Variants in MGAT4C observed in about 807,000 individuals in gnomAD.
MGAT4C encodes alpha-1,3-mannosyl-glycoprotein 4-beta-N-acetylglucosaminyltransferase C.
A neutral mutation model predicts 40.1 loss-of-function variants in MGAT4C; 19 were observed. That is an observed-to-expected ratio of 0.47 (90% CI 0.33 to 0.70). The LOEUF (loss-of-function observed/expected upper bound fraction) is 0.70. Among genes scored for constraint, MGAT4C ranks in the 30% least tolerant of loss-of-function variants. The pLI is 0.02. For missense variants in MGAT4C, 491 were observed against 563.2 expected (o/e 0.87, Z 1.30); for synonymous variants, 181 against 187.1 (o/e 0.97, Z 0.27).
At chr12:86,582,614 A>G (rs942820851) in intron 2 of MGAT4C, among the ~76,000 whole-genome samples, 42 of 151,398 alleles carry the variant, frequency 2.8e-4, no homozygotes, top group Admixed American at 5.3e-4. Context: ...GGTATGATAA[A>G]CACATAGAAA....
At chr12:86,356,429 T>C (rs1447213695) in intron 3 of MGAT4C, among the ~76,000 whole-genome samples, 1 of 152,114 alleles carries the variant, frequency 6.6e-6, no homozygotes, top group Non-Finnish European at 1.5e-5. Flanking sequence ...ATGGGTGATT[T>C]TTGCATTTCC....
intron 2 of MGAT4C, among the ~76,000 whole-genome samples, chr12:86,586,795 G>C (rs1005969959): frequency 6.6e-6 from 1 of 151,870 alleles, no homozygotes; most frequent in Non-Finnish European, 1.5e-5. Flanking sequence ...TTTTGATGGG[G>C]TTGTTTGTTT....
At chr12:86,339,416 G>A (rs1954861564) in intron 3 of MGAT4C, among the ~76,000 whole-genome samples, 2 of 152,196 alleles carry the variant, frequency 1.3e-5, no homozygotes, top group South Asian at 2.1e-4. Flanking sequence ...CTTCAATTAG[G>A]AAATGATATT....
intron 1 of MGAT4C, among the ~76,000 whole-genome samples, chr12:86,066,527 G>T (rs1178429251): frequency 6.6e-6 from 1 of 151,890 alleles, no homozygotes; most frequent in Non-Finnish European, 1.5e-5. Context: ...ACTGAAACTG[G>T]ATCCCTTCCT....
intron 2 of MGAT4C, among the ~76,000 whole-genome samples, chr12:86,665,342 A>T (rs1252514170): frequency 6.6e-6 from 1 of 152,118 alleles, no homozygotes; most frequent in African/African-American, 2.4e-5. Flanking sequence ...GAAACCCATT[A>T]TAGACACATG....
chr12:86,662,178 C>T (rs577106103), intron 2 of MGAT4C, among the ~76,000 whole-genome samples: 110 of 152,212 alleles, frequency 7.2e-4, no homozygotes, highest in Admixed American at 1.2e-3. Flanking sequence ...CTCTCAGAAA[C>T]GTCAGCATGC....
chr12:85,968,182 G>T lies in MGAT4C; in HGVS notation c.*11107C>A, dbSNP rs1234312198. On this transcript the variant is annotated 3_prime_UTR_variant, in exon 5 of 5. Transcript: ENST00000611864. Reference sequence around the variant, plus strand: ...GATTTATGAAAAAAAGTCCACTGTGGAAAACTGATAGTTTTTCTCCTTCTT... The same window carrying T: ...GATTTATGAAAAAAAGTCCACTGTGTAAAACTGATAGTTTTTCTCCTTCTT... 2.0e-5 allele frequency: 3 copies of T among 152,008 alleles called. No individual in the cohort carries two copies. The highest frequency in any genetic ancestry group is 7.2e-5 in the African/African-American group (3 of 41,432). The allele number at this position is 152,008 out of a possible 1,614,324, so 9.4% of individuals were successfully genotyped here. A position where few individuals can be genotyped will look rare whatever the true frequency, so the allele number is the denominator to read the frequency against.
At chr12:86,684,793 C>CTT (rs796487312) in intron 2 of MGAT4C, among the ~76,000 whole-genome samples, 1 of 146,472 alleles carries the variant, frequency 6.8e-6, no homozygotes, top group East Asian at 2.0e-4. Context: ...TGATGATGAG[C>CTT]TTTTTTTTTT....
chr12:86,011,599 G>A (rs1888467961), intron 2 of MGAT4C, among the ~76,000 whole-genome samples: 1 of 152,180 alleles, frequency 6.6e-6, no homozygotes. Flanking sequence ...AACGGGATGA[G>A]AGAATTGAAG....
chr12:86,600,191 AAAG>A (rs1357720883), intron 2 of MGAT4C, among the ~76,000 whole-genome samples: 1 of 152,166 alleles, frequency 6.6e-6, no homozygotes, highest in African/African-American at 2.4e-5. Context: ...CATTTCAGAC[AAAG>A]AAGGACAGTT....
chr12:86,834,821 C>T (rs770310396), intron 1 of MGAT4C, among the ~76,000 whole-genome samples: 2 of 151,948 alleles, frequency 1.3e-5, no homozygotes, highest in Non-Finnish European at 2.9e-5. Context: ...TGGGTTGGCA[C>T]TGTCAACAGA....
At chr12:85,993,202 G>T (rs1379579044) in intron 2 of MGAT4C, among the ~76,000 whole-genome samples, 1 of 152,176 alleles carries the variant, frequency 6.6e-6, no homozygotes, top group Non-Finnish European at 1.5e-5. Flanking sequence ...AGGATGTCGT[G>T]TTACTTTTGA....
intron 2 of MGAT4C, among the ~76,000 whole-genome samples, chr12:86,623,650 T>G (rs1837102730): frequency 6.6e-6 from 1 of 152,086 alleles, no homozygotes; most frequent in Non-Finnish European, 1.5e-5. Flanking sequence ...GCTTCCACAA[T>G]GACAGAATAT....
intron 2 of MGAT4C, among the ~76,000 whole-genome samples, chr12:86,548,617 T>C (rs1200606204): frequency 6.6e-6 from 1 of 152,120 alleles, no homozygotes; most frequent in African/African-American, 2.4e-5. Context: ...AGATAAAGAA[T>C]AGAGTAGTGA....
intron 4 of MGAT4C, among the ~76,000 whole-genome samples, chr12:86,307,169 T>C (rs188823000): frequency 2.6e-4 from 39 of 149,734 alleles, no homozygotes; most frequent in Non-Finnish European, 4.7e-4. Flanking sequence ...GTTAAGATAG[T>C]TTGCTTATTA....
intron 4 of MGAT4C, among the ~76,000 whole-genome samples, chr12:86,264,346 T>C (rs1952732135): frequency 6.6e-6 from 1 of 152,202 alleles, no homozygotes; most frequent in South Asian, 2.1e-4. Flanking sequence ...TAATTTATTT[T>C]TGTATATGGT....
At chr12:86,595,424 G>A (rs989536158) in intron 2 of MGAT4C, among the ~76,000 whole-genome samples, 10 of 151,832 alleles carry the variant, frequency 6.6e-5, no homozygotes, top group Admixed American at 2.0e-4. Flanking sequence ...CCAGCTACTC[G>A]GGAGGCTGAG....
chr12:86,571,163 C>A (rs1182418342), intron 2 of MGAT4C, among the ~76,000 whole-genome samples: 2 of 151,970 alleles, frequency 1.3e-5, no homozygotes, highest in Non-Finnish European at 2.9e-5. Flanking sequence ...AATAATAATA[C>A]CCATTTATCC....
intron 1 of MGAT4C, among the ~76,000 whole-genome samples, chr12:86,763,652 G>T (rs1951445002): frequency 1.3e-5 from 2 of 152,092 alleles, no homozygotes; most frequent in South Asian, 4.1e-4. Flanking sequence ...TGAGCATTTT[G>T]TAATCTTTGG....
Sources: gnomAD v4.1 joint callset for allele counts (sites outside exome capture counted in the v4.1 genomes callset) on GRCh38, gnomAD v4.1.1 for gene constraint, MANE v1.5 for transcripts, NCBI Gene and HGNC (gene_info 2026-07-23, HGNC 2026-07-21) for gene names.